The following NPLOC4 variants were observed in gnomAD, a reference collection of about 807,000 sequenced individuals.
The protein encoded by NPLOC4 is nuclear protein localization protein 4 homolog.
In NPLOC4, 18 loss-of-function variants were observed where a neutral mutation model predicts 80.6. The ratio of observed to expected loss-of-function variants is 0.22; its 90% confidence interval spans 0.15 to 0.33. NPLOC4 has a LOEUF of 0.33. NPLOC4 is among the 10% of genes least tolerant of loss of function. NPLOC4 has a pLI of 1.00. For missense variants in NPLOC4, 540 were observed against 786.1 expected (o/e 0.69, Z 3.74); for synonymous variants, 313 against 301.5 (o/e 1.04, Z -0.39).
chr17:81,620,162 C>T (rs1407757114), intron 3 of NPLOC4, among the ~76,000 whole-genome samples: 1 of 152,146 alleles, frequency 6.6e-6, no homozygotes, highest in African/African-American at 2.4e-5. Flanking sequence ...CCTTAAAAAG[C>T]AAGACTAACT....
intron 8 of NPLOC4, among the ~76,000 whole-genome samples, chr17:81,602,877 C>T (rs1350272263): frequency 6.6e-6 from 1 of 151,666 alleles, no homozygotes; most frequent in Non-Finnish European, 1.5e-5. Context: ...TGTCTCCACA[C>T]ACACTATATA....
At chr17:81,578,678 A>G (rs773207118) in intron 12 of NPLOC4, among the ~76,000 whole-genome samples, 50 of 152,208 alleles carry the variant, frequency 3.3e-4, no homozygotes, top group Non-Finnish European at 4.4e-4. Context: ...AATCTAACAC[A>G]TCTTGTGAGA....
At position 81,636,897 on chromosome 17, in the gene NPLOC4, G is replaced by A; in HGVS notation, c.15+19C>T. 3 of 1,408,186 alleles carry A rather than the reference G, an allele frequency of 2.1e-6. No individual in the cohort carries two copies. The highest frequency in any genetic ancestry group is 1.5e-5 in the South Asian group (1 of 66,210). 87.2% of individuals were successfully genotyped at this position (1,408,186 alleles called of 1,614,324 possible). On this transcript the variant is annotated intron_variant, in intron 1 of 16. Coordinates refer to ENST00000331134, the MANE Select transcript of NPLOC4 (RefSeq NM_017921.4). ...GCCTCATCCCGGCGTCCCCGCTCCC[G>A]CCCGGCCGCCGCACTCACGATGCTC...
chr17:81,622,193 T>C lies in NPLOC4; in HGVS notation c.182A>G (p.Asn61Ser). The C allele has an allele frequency of 2.5e-6, 4 of 1,613,570 alleles. No homozygotes were observed. Among genetic ancestry groups the C allele is most frequent in the Middle Eastern group, 1.7e-4 (1 of 6,060 alleles). The change falls in exon 3 of 17, where the codon AAC becomes AGC. Residue 61 changes from asparagine to serine, a missense_variant. By Grantham distance (46) the Asn-to-Ser change is conservative (BLOSUM62 1). This residue lies in a region of NPLOC4 where 62 missense variants were observed against 84.4 expected (regional missense o/e 0.73). Transcript: ENST00000331134. Reference protein sequence around the residue: ...NKTGEITASSNKSLNLLKIKH... With the variant: ...NKTGEITASSSKSLNLLKIKH... ...GATTTTTAGCAAGTTGAGGGATTTGTTGGAGGAGGCTGTTATCTCTCCGGT... is the reference window on the plus strand; with the variant it reads ...GATTTTTAGCAAGTTGAGGGATTTGCTGGAGGAGGCTGTTATCTCTCCGGT...
chr17:81,628,008 G>T (rs1044906736), intron 2 of NPLOC4, among the ~76,000 whole-genome samples: 11 of 151,782 alleles, frequency 7.2e-5, no homozygotes, highest in Middle Eastern at 3.2e-3. Flanking sequence ...GTCAGGAGAT[G>T]AAGACCATCC....
At chr17:81,622,058 C>G in intron 3 of NPLOC4, 108 bp downstream of exon 3, 1 of 766,464 alleles carries the variant, frequency 1.3e-6, no homozygotes, top group South Asian at 1.5e-5. Flanking sequence ...TTGATAAGAC[C>G]ATAATGAGTG....
At chr17:81,598,563 C>T (rs937593682) in intron 9 of NPLOC4, among the ~76,000 whole-genome samples, 3 of 152,186 alleles carry the variant, frequency 2.0e-5, no homozygotes, top group African/African-American at 4.8e-5. Flanking sequence ...CTGGGAGCTC[C>T]ACCTCAAGGC....
At chr17:81,609,176 C>T (rs942517677) in intron 5 of NPLOC4, among the ~76,000 whole-genome samples, 2 of 152,176 alleles carry the variant, frequency 1.3e-5, no homozygotes, top group Non-Finnish European at 2.9e-5. Flanking sequence ...CACGCCACCA[C>T]GCCCAGCTTA....
At position 81,580,229 on chromosome 17, in the gene NPLOC4, C is replaced by G. The variant is rs2034403245; in HGVS notation, c.1282-8141G>C. Among the ~76,000 whole-genome samples, 2 of 152,186 alleles carry G rather than the reference C, an allele frequency of 1.3e-5. No individual in the cohort carries two copies. The highest frequency in any genetic ancestry group is 2.1e-4 in the South Asian group (1 of 4,836). On this transcript the variant is annotated intron_variant, in intron 12 of 16. Coordinates refer to ENST00000331134, the MANE Select transcript of NPLOC4 (RefSeq NM_017921.4). This position sits in a 1 kb window ranked among gnomAD's most constrained non-coding sequence, Gnocchi z 4.4. ...GCCTCTCCCAAGCAATGCGCTCACC[C>G]CGGGTGGTGCCTCTGCACTAGCACA...
At position 81,606,682 on chromosome 17, in the gene NPLOC4, A is replaced by G. The variant is rs777348466; in HGVS notation, c.654+9T>C. ...GAAAACAAATCTAGACAGACAGGGA[A>G]CATCTCACCTGTCTGTTCAGCGTGA... On this transcript the variant is annotated intron_variant, in intron 7 of 16. Transcript: ENST00000331134. 4 of 1,608,258 alleles carry G rather than the reference A, an allele frequency of 2.5e-6. No homozygotes were observed. Among genetic ancestry groups the G allele is most frequent in the Non-Finnish European group, 3.4e-6 (4 of 1,177,080 alleles).
intron 16 of NPLOC4, chr17:81,563,570 T>C (rs1405566959): frequency 5.4e-6 from 1 of 186,904 alleles, no homozygotes; most frequent in East Asian, 1.9e-4. Flanking sequence ...ACCCTGTCTC[T>C]AAAAGGGAAA....
At chr17:81,560,402 G>A (rs1210012819) in intron 16 of NPLOC4, among the ~76,000 whole-genome samples, 1 of 150,232 alleles carries the variant, frequency 6.7e-6, no homozygotes, top group Non-Finnish European at 1.5e-5. Context: ...GACACAGCGA[G>A]ACTCCATCTC....
intron 16 of NPLOC4, chr17:81,562,543 C>T (rs1488923515): frequency 6.6e-6 from 1 of 151,580 alleles, no homozygotes; most frequent in Non-Finnish European, 1.5e-5. Context: ...TGTCTCAAAA[C>T]AAACAAACAA....
intron 11 of NPLOC4, among the ~76,000 whole-genome samples, chr17:81,594,262 G>GA (rs1326012262): frequency 9.8e-6 from 1 of 101,628 alleles, no homozygotes; most frequent in African/African-American, 4.1e-5. Context: ...GCGAAAGAGC[G>GA]AGACTCCGTC....
At chr17:81,583,607 A>C (rs1265146106) in intron 12 of NPLOC4, among the ~76,000 whole-genome samples, 1 of 152,154 alleles carries the variant, frequency 6.6e-6, no homozygotes, top group Non-Finnish European at 1.5e-5. Flanking sequence ...GACTATGTGT[A>C]CACCCATATG....
chr17:81,631,447 TTTTTTTTTTTTTTTTC>T (rs1568171030), intron 1 of NPLOC4, among the ~76,000 whole-genome samples: 4 of 94,400 alleles, frequency 4.2e-5, no homozygotes, highest in South Asian at 3.5e-4. Flanking sequence ...TTTTTTTTTT[TTTTTTTTTTTTTTTTC>T]CCCCACGGCA....
rs1598618371 is a variant in NPLOC4 at position 81,567,867 on chromosome 17, G to C, written c.1450-334C>G. Reference sequence around the variant, plus strand: ...GGAGGCCGAGGCAGGCAGGTGGTCAGGAGTTCGAGACCAGTCTGGCCAACA... The same window carrying C: ...GGAGGCCGAGGCAGGCAGGTGGTCACGAGTTCGAGACCAGTCTGGCCAACA... On this transcript the variant is annotated intron_variant, in intron 14 of 16. Coordinates refer to ENST00000331134, the MANE Select transcript of NPLOC4 (RefSeq NM_017921.4). This position sits in a 1 kb window ranked among gnomAD's most constrained non-coding sequence, Gnocchi z 4.5. The C allele has an allele frequency of 4.5e-6, 1 of 223,190 alleles. No individual in the cohort carries two copies. The highest frequency in any genetic ancestry group is 9.0e-6 in the Non-Finnish European group (1 of 111,166). 13.8% of individuals were successfully genotyped at this position (223,190 alleles called of 1,614,324 possible). A position where few individuals can be genotyped will look rare whatever the true frequency, so the allele number is the denominator to read the frequency against.
chr17:81,572,009 G>A lies in NPLOC4; in HGVS notation c.1353+8C>T, dbSNP rs765185387. On this transcript the variant is annotated splice_region_variant and intron_variant, in intron 13 of 16. Coordinates refer to ENST00000331134, the MANE Select transcript of NPLOC4 (RefSeq NM_017921.4). This position sits in a 1 kb window ranked among gnomAD's most constrained non-coding sequence, Gnocchi z 4.5. ...CACCTGCCCAAGCTGTGCATGGGGG[G>A]CACTTACGTCTATGATGAGATACTC... The A allele has an allele frequency of 6.3e-7, 1 of 1,594,958 alleles. No individual in the cohort carries two copies.
At chr17:81,600,456 C>A (rs766133866) in intron 8 of NPLOC4, 29 bp from the exon 9 acceptor site, 1 of 1,577,432 alleles carries the variant, frequency 6.3e-7, no homozygotes, top group Admixed American at 1.7e-5. Flanking sequence ...AGAAGATGGA[C>A]TTAGAGCAGA....
Sources: gnomAD v4.1 joint callset for allele counts (sites outside exome capture counted in the v4.1 genomes callset) on GRCh38, gnomAD v4.1.1 for gene constraint, gnomAD v4.1.1 regional missense constraint, Gnocchi (gnomAD v3.1) non-coding constraint, MANE v1.5 for transcripts, NCBI Gene and HGNC (gene_info 2026-07-23, HGNC 2026-07-21) for gene names.